CD99: variants seen among roughly 807,000 people sequenced by gnomAD.
CD99 encodes the protein CD99 antigen.
In CD99, 19 loss-of-function variants were observed where a neutral mutation model predicts 28.4. The ratio of observed to expected loss-of-function variants is 0.67; its 90% CI spans 0.47 to 0.98. The LOEUF (loss-of-function observed/expected upper bound fraction) is 0.98. CD99 is among the 50% of genes least tolerant of loss of function. CD99 has a pLI of 0.00. For synonymous variants in CD99, 103 were observed against 92.1 expected (o/e 1.12, Z -0.67); for missense variants, 283 against 248.8 (o/e 1.14, Z -0.92).
intron 6 of CD99, 109 bp from the exon 7 acceptor site, chrX:2,723,205 T>G: frequency 2.8e-6 from 3 of 1,083,768 alleles, no homozygotes; most frequent in Non-Finnish European, 2.9e-6. Flanking sequence ...GGGTAACATG[T>G]ACCCCCGTAG....
chrX:2,710,307 C>T (rs1298601889), intron 1 of CD99, among the ~76,000 whole-genome samples: 9 of 152,130 alleles, frequency 5.9e-5, no homozygotes, highest in East Asian at 3.9e-4. Flanking sequence ...AGAAACCTTC[C>T]GAGTCTCGTA....
intron 1 of CD99, among the ~76,000 whole-genome samples, chrX:2,698,895 G>T (rs2047703152): frequency 6.6e-6 from 1 of 151,804 alleles, no homozygotes; most frequent in Non-Finnish European, 1.5e-5. Context: ...GGGTTACCTG[G>T]GTAGTCTGGT....
chrX:2,728,048 G>C (rs926623175), intron 8 of CD99, among the ~76,000 whole-genome samples: 2 of 152,088 alleles, frequency 1.3e-5, no homozygotes, highest in African/African-American at 4.8e-5. Context: ...AGCGTGAAAT[G>C]GAGAGTCCTA....
At chrX:2,724,884 T>C (rs773244988) in intron 7 of CD99, among the ~76,000 whole-genome samples, 5 of 130,630 alleles carry the variant, frequency 3.8e-5, no homozygotes, top group African/African-American at 9.3e-5. Context: ...GGTGACAAAG[T>C]AAGACTGCAT....
intron 1 of CD99, among the ~76,000 whole-genome samples, chrX:2,693,139 T>C (rs906444456): frequency 1.4e-5 from 2 of 147,034 alleles, no homozygotes; most frequent in African/African-American, 5.2e-5. Flanking sequence ...TTGTTTTTGT[T>C]GGTGGTGGTG....
At chrX:2,714,931 G>GA in intron 2 of CD99, 9 of 155,178 alleles carry the variant, frequency 5.8e-5, no homozygotes. Context: ...TAAGATAAAT[G>GA]AACCACCCTG....
intron 8 of CD99, among the ~76,000 whole-genome samples, chrX:2,731,975 A>C (rs1266610935): frequency 6.6e-6 from 1 of 151,808 alleles, no homozygotes; most frequent in East Asian, 1.9e-4. Flanking sequence ...AAACGTAAAA[A>C]AAAAAAAATT....
chrX:2,733,256 C>A, intron 8 of CD99: 1 of 1,253,516 alleles, frequency 8.0e-7, no homozygotes, highest in Non-Finnish European at 1.1e-6. Context: ...CTTTCTAACA[C>A]CTCCCTGCTG....
At chrX:2,739,736 G>C (rs1401153421) in intron 9 of CD99, among the ~76,000 whole-genome samples, 1 of 151,132 alleles carries the variant, frequency 6.6e-6, no homozygotes, top group Non-Finnish European at 1.5e-5. Context: ...TTACAGGCAT[G>C]AGCCACCGTG....
chrX:2,715,581 C>G (rs931599643), intron 2 of CD99: 3 of 152,250 alleles, frequency 2.0e-5, no homozygotes, highest in Admixed American at 6.5e-5. Context: ...CAAGATCCTT[C>G]TCTTAAGCAC....
intron 1 of CD99, among the ~76,000 whole-genome samples, chrX:2,704,574 C>G (rs2048030376): frequency 6.6e-6 from 1 of 151,682 alleles, no homozygotes; most frequent in Non-Finnish European, 1.5e-5. Flanking sequence ...GCTGGAACTA[C>G]AGGTACACGC....
intron 8 of CD99, chrX:2,737,897 C>T (rs758410881): frequency 5.6e-5 from 32 of 573,022 alleles, no homozygotes; most frequent in Middle Eastern, 4.5e-4. Context: ...CTTCCATGTG[C>T]GTGTTCCTCA....
chrX:2,741,112 C>T lies in CD99; in HGVS notation c.*308C>T, dbSNP rs752708741. ...CCTGTAACTCAAATGTCAACCCCAC[C>T]GAGGCACCCCCCCGTCCCCCAGAAT... On this transcript the variant is annotated 3_prime_UTR_variant, in exon 10 of 10. Coordinates refer to ENST00000381192, the MANE Select transcript of CD99 (RefSeq NM_002414.5). The T allele has an allele frequency of 1.2e-3, 482 of 411,206 alleles. 1 individual carries two copies. Among genetic ancestry groups the T allele is most frequent in the Non-Finnish European group, 1.7e-3 (402 of 230,682 alleles). 25.5% of individuals were successfully genotyped at this position (411,206 alleles called of 1,614,324 possible).
chrX:2,698,157 G>A (rs1032462489), intron 1 of CD99, among the ~76,000 whole-genome samples: 1 of 151,506 alleles, frequency 6.6e-6, no homozygotes, highest in Non-Finnish European at 1.5e-5. Context: ...ACCGGGCAGT[G>A]GCTTGCAATC....
chrX:2,731,970 T>TAAA (rs113396691), intron 8 of CD99, among the ~76,000 whole-genome samples: 14 of 147,726 alleles, frequency 9.5e-5, no homozygotes, highest in African/African-American at 2.7e-4. Context: ...ACAAAAAACG[T>TAAA]AAAAAAAAAA....
chrX:2,730,420 C>T (rs1314736454), intron 8 of CD99, among the ~76,000 whole-genome samples: 1 of 152,108 alleles, frequency 6.6e-6, no homozygotes, highest in Non-Finnish European at 1.5e-5. Flanking sequence ...GATCCACCTG[C>T]CTTGGCCTCC....
At chrX:2,709,581 C>T (rs2048291669) in intron 1 of CD99, among the ~76,000 whole-genome samples, 1 of 152,266 alleles carries the variant, frequency 6.6e-6, no homozygotes, top group African/African-American at 2.4e-5. Context: ...ACACCATACA[C>T]CCACACATAC....
chrX:2,715,880 C>T (rs2048682987), intron 2 of CD99, among the ~76,000 whole-genome samples: 2 of 152,154 alleles, frequency 1.3e-5, no homozygotes, highest in Non-Finnish European at 2.9e-5. Context: ...TCATTAGGAC[C>T]TATCCTAATC....
chrX:2,691,726 C>G lies in CD99; in HGVS notation c.67+299C>G, dbSNP rs866619710. 5.6e-6 allele frequency: 4 copies of G among 715,254 alleles called. No individual in the cohort carries two copies. In the Middle Eastern group the frequency reaches 6.9e-4, roughly 123 times the overall value. 44.3% of individuals were successfully genotyped at this position (715,254 alleles called of 1,614,324 possible). A position where few individuals can be genotyped will look rare whatever the true frequency, so the allele number is the denominator to read the frequency against. ...TCCGATTTTTCCCAATCTAGGGGAC[C>G]TTCTTACAGATCTCTCTCCCTTTGC... On this transcript the variant is annotated intron_variant, in intron 1 of 9. Transcript: ENST00000381192.
Sources: gnomAD v4.1 joint callset for allele counts (sites outside exome capture counted in the v4.1 genomes callset) on GRCh38, gnomAD v4.1.1 for gene constraint, MANE v1.5 for transcripts, NCBI Gene and HGNC (gene_info 2026-07-23, HGNC 2026-07-21) for gene names.